FOXN3: variants seen among roughly 807,000 people sequenced by gnomAD.
The protein encoded by FOXN3 is forkhead box N3, also known as forkhead box protein N3.
Under a neutral mutation model 38.4 loss-of-function variants are expected in FOXN3, and 7 were observed. The ratio of observed to expected loss-of-function variants is 0.18; its 90% confidence interval spans 0.10 to 0.34. FOXN3 has a LOEUF of 0.34. Among genes scored for constraint, FOXN3 ranks in the 10% least tolerant of loss-of-function variants. The pLI is 1.00. For synonymous variants in FOXN3, 230 were observed against 242.2 expected (o/e 0.95, Z 0.47); for missense variants, 456 against 613.4 (o/e 0.74, Z 2.71).
intron 2 of FOXN3, among the ~76,000 whole-genome samples, chr14:89,354,543 TAAAAA>T (rs760406905): frequency 3.3e-5 from 4 of 121,588 alleles, no homozygotes; most frequent in Non-Finnish European, 6.9e-5. Flanking sequence ...TGCTTTTTAT[TAAAAA>T]AAAAAAAAAA....
At chr14:89,513,905 TACACACACAC>T (rs58182379) in intron 1 of FOXN3, among the ~76,000 whole-genome samples, 2 of 149,606 alleles carry the variant, frequency 1.3e-5, no homozygotes, top group African/African-American at 2.5e-5. Context: ...CTTTCTCTCT[TACACACACAC>T]ACACACACAC....
At chr14:89,357,729 T>C (rs1889291081) in intron 2 of FOXN3, among the ~76,000 whole-genome samples, 1 of 152,220 alleles carries the variant, frequency 6.6e-6, no homozygotes, top group East Asian at 1.9e-4. Flanking sequence ...CATTTGATTT[T>C]CCATATGAAA....
In FOXN3 at chr14:89,220,794, G is replaced by A. The variant is rs149514091; in HGVS notation, c.746-39988C>T. Among the ~76,000 whole-genome samples the A allele has an allele frequency of 5.1e-3, 774 of 152,170 alleles. 5 individuals carry two copies. The highest frequency in any genetic ancestry group is 0.018 in the African/African-American group (728 of 41,486). ...AGTGTTAATACATGCTTTGAAAGACGGCCAGAAGAATGCCCTGAGAACCAT... is the reference window on the plus strand; with the variant it reads ...AGTGTTAATACATGCTTTGAAAGACAGCCAGAAGAATGCCCTGAGAACCAT... On this transcript the variant is annotated intron_variant, in intron 4 of 5. Coordinates refer to ENST00000557258, the MANE Select transcript of FOXN3 (RefSeq NM_005197.4).
At chr14:89,408,596 G>C (rs952363175) in intron 2 of FOXN3, among the ~76,000 whole-genome samples, 2 of 148,816 alleles carry the variant, frequency 1.3e-5, no homozygotes, top group African/African-American at 5.0e-5. Flanking sequence ...AATCTAGTAT[G>C]TTCCCTCCCC....
intron 1 of FOXN3, among the ~76,000 whole-genome samples, chr14:89,601,987 A>G (rs2139940441): frequency 6.6e-6 from 1 of 152,324 alleles, no homozygotes; most frequent in East Asian, 1.9e-4. Context: ...CTGATGTCCC[A>G]TGGATATTCT....
rs1042720537 is a variant in FOXN3, at chr14:89,337,917, A to G, written c.680+12755T>C. Reference sequence around the variant, plus strand: ...AGTGCTGGGGTTACAGGCGTGAGCCACCGTGCCCAGCCACATTTACATTTT... The same window carrying G: ...AGTGCTGGGGTTACAGGCGTGAGCCGCCGTGCCCAGCCACATTTACATTTT... On this transcript the variant is annotated intron_variant, in intron 3 of 5. Coordinates refer to ENST00000557258, the MANE Select transcript of FOXN3 (RefSeq NM_005197.4). Among the ~76,000 whole-genome samples the G allele has an allele frequency of 1.4e-4, 22 of 152,296 alleles. No homozygotes were observed. The East Asian group carries it at 4.2e-3, about 29-fold the overall frequency.
intron 3 of FOXN3, among the ~76,000 whole-genome samples, chr14:89,308,126 G>A (rs943245384): frequency 6.6e-6 from 1 of 152,092 alleles, no homozygotes; most frequent in African/African-American, 2.4e-5. Flanking sequence ...TTAGCCAGGC[G>A]TGGTGGCACC....
At chr14:89,608,430 G>A (rs112713941) in intron 1 of FOXN3, among the ~76,000 whole-genome samples, 22 of 152,262 alleles carry the variant, frequency 1.4e-4, no homozygotes, top group African/African-American at 5.1e-4. Flanking sequence ...GTGGGCCACC[G>A]CGCCCGGCCT....
chr14:89,527,829 G>A (rs747702654), intron 1 of FOXN3, among the ~76,000 whole-genome samples: 1 of 151,730 alleles, frequency 6.6e-6, no homozygotes, highest in Admixed American at 6.6e-5. Flanking sequence ...AGTCTCCCAA[G>A]TAGCTGGTAT....
intron 1 of FOXN3, among the ~76,000 whole-genome samples, chr14:89,599,560 T>A (rs917777764): frequency 7.8e-4 from 115 of 146,990 alleles, no homozygotes; most frequent in African/African-American, 2.8e-3. Flanking sequence ...TTGTTTATTT[T>A]TTATTGTTTT....
intron 5 of FOXN3, among the ~76,000 whole-genome samples, chr14:89,167,774 G>A (rs958189363): frequency 2.6e-4 from 40 of 152,192 alleles, no homozygotes; most frequent in African/African-American, 9.4e-4. Context: ...ACATTTTAAA[G>A]TAACCTGCAG....
At chr14:89,227,683 C>T (rs935522308) in intron 4 of FOXN3, among the ~76,000 whole-genome samples, 26 of 152,248 alleles carry the variant, frequency 1.7e-4, no homozygotes, top group Non-Finnish European at 7.3e-5. Context: ...TAATAAAATC[C>T]GGCACGATAA....
chr14:89,616,071 T>C (rs1896487276), intron 1 of FOXN3, among the ~76,000 whole-genome samples: 1 of 152,208 alleles, frequency 6.6e-6, no homozygotes, highest in South Asian at 2.1e-4. Context: ...ATCTGAAGAC[T>C]GCCATTAACA....
chr14:89,301,903 A>T (rs1478365686), intron 3 of FOXN3, among the ~76,000 whole-genome samples: 1 of 152,094 alleles, frequency 6.6e-6, no homozygotes, highest in Non-Finnish European at 1.5e-5. Flanking sequence ...CCCGACCTCA[A>T]AGGTACCCTG....
intron 4 of FOXN3, among the ~76,000 whole-genome samples, chr14:89,246,688 G>A (rs56107845): frequency 0.19 from 28,581 of 151,546 alleles, 2,714 homozygotes; most frequent in East Asian, 0.3. Flanking sequence ...ACAGGCATCC[G>A]CCACCACGCC....
intron 4 of FOXN3, among the ~76,000 whole-genome samples, chr14:89,211,030 C>G (rs1884077215): frequency 6.6e-6 from 1 of 152,148 alleles, no homozygotes; most frequent in Non-Finnish European, 1.5e-5. Context: ...GCTAACAAAG[C>G]CATAGTGGAT....
chr14:89,404,686 T>C (rs553603408), intron 2 of FOXN3, among the ~76,000 whole-genome samples: 1 of 151,972 alleles, frequency 6.6e-6, no homozygotes, highest in East Asian at 1.9e-4. Flanking sequence ...ACATAGCCTA[T>C]AGCACAGACA....
Position 89,591,772 on chromosome 14 carries a change from A to C in FOXN3, c.-15+27256T>G, listed in dbSNP as rs75222831. Among the ~76,000 whole-genome samples the C allele has an allele frequency of 9.8e-3, 1,487 of 152,312 alleles. 26 individuals are homozygous for C. The highest frequency in any genetic ancestry group is 0.033 in the African/African-American group (1,390 of 41,558). ...AGACACCATCTCTACAAAAAATTTT[A>C]AAATGAACCAGGAGTGGTGGCACAT... On this transcript the variant is annotated intron_variant, in intron 1 of 6. Coordinates refer to the FOXN3 transcript ENST00000345097.
intron 2 of FOXN3, among the ~76,000 whole-genome samples, chr14:89,383,158 C>T (rs576932696): frequency 1.5e-4 from 22 of 150,784 alleles, no homozygotes; most frequent in Admixed American, 4.0e-4. Context: ...AACATATGTC[C>T]CTCAAAAATA....
Sources: allele counts gnomAD v4.1 joint callset (sites outside exome capture counted in the v4.1 genomes callset), GRCh38; gene constraint gnomAD v4.1.1; transcripts MANE v1.5; gene names NCBI Gene and HGNC (gene_info 2026-07-23, HGNC 2026-07-21).